The following CDK12 variants were observed in gnomAD, a reference collection of about 807,000 sequenced individuals.
The protein encoded by CDK12 is cyclin dependent kinase 12, also known as cyclin-dependent kinase 12.
Under a neutral mutation model 133.8 loss-of-function variants are expected in CDK12, and 17 were observed. The ratio of observed to expected loss-of-function variants is 0.13; its 90% CI spans 0.09 to 0.19. The LOEUF is 0.19. Among genes scored for constraint, CDK12 ranks in the 10% least tolerant of loss-of-function variants. CDK12 has a pLI of 1.00. For synonymous variants in CDK12, 694 were observed against 683.6 expected (o/e 1.02, Z -0.24); for missense variants, 1,508 against 1,818.7 (o/e 0.83, Z 3.11).
rs1221073905 is a variant in CDK12 at position 39,532,105 on chromosome 17, T to TCTCG, written c.*792_*793insGCTC. Reference sequence around the variant, plus strand: ...GATGTGTGCTCTCTCTCTCTCTTTCTCTCTCTCTCTCTCTCTCTCTCTCTC... The same window carrying TCTCG: ...GATGTGTGCTCTCTCTCTCTCTTTCTCTCGCTCTCTCTCTCTCTCTCTCTCTCTC... On this transcript the variant is annotated 3_prime_UTR_variant, in exon 14 of 14. Transcript: ENST00000447079. 2.6e-4 allele frequency: 4 copies of TCTCG among 15,364 alleles called. No homozygotes were observed. The highest frequency in any genetic ancestry group is 4.6e-4 in the African/African-American group (4 of 8,636). 1.0% of individuals were successfully genotyped at this position (15,364 alleles called of 1,614,324 possible). A position where few individuals can be genotyped will look rare whatever the true frequency, so the allele number is the denominator to read the frequency against.
At chr17:39,466,492 TA>T (rs2049319635) in intron 1 of CDK12, among the ~76,000 whole-genome samples, 1 of 150,920 alleles carries the variant, frequency 6.6e-6, no homozygotes, top group African/African-American at 2.4e-5. Flanking sequence ...CACATGCCTG[TA>T]ATCCCAGCTA....
At chr17:39,505,244 A>AAT (rs1567749790) in intron 6 of CDK12, among the ~76,000 whole-genome samples, 1 of 109,570 alleles carries the variant, frequency 9.1e-6, no homozygotes, top group African/African-American at 3.7e-5. Context: ...AAAAAAAAAA[A>AAT]GGCCAGGCGC....
intron 1 of CDK12, among the ~76,000 whole-genome samples, chr17:39,463,800 C>T (rs186707748): frequency 4.3e-4 from 65 of 151,950 alleles, no homozygotes; most frequent in Admixed American, 7.9e-4. Flanking sequence ...AAATCTTTCT[C>T]TAAAACACAT....
intron 2 of CDK12, among the ~76,000 whole-genome samples, chr17:39,485,050 G>A (rs1413714789): frequency 6.6e-6 from 1 of 151,540 alleles, no homozygotes; most frequent in African/African-American, 2.4e-5. Context: ...GGTGCCTGTG[G>A]TCCCAGCTAC....
chr17:39,501,623 C>T (rs1304431264), intron 6 of CDK12, among the ~76,000 whole-genome samples, 184 bp downstream of exon 6: 3 of 152,168 alleles, frequency 2.0e-5, no homozygotes, highest in Non-Finnish European at 4.4e-5. Flanking sequence ...TGAGCCTTTT[C>T]TCAGTTACCA....
intron 2 of CDK12, among the ~76,000 whole-genome samples, chr17:39,476,576 A>G (rs1031167054): frequency 6.6e-6 from 1 of 150,886 alleles, no homozygotes; most frequent in East Asian, 2.0e-4. Flanking sequence ...ACCATGTTCA[A>G]CTAATTTTGT....
chr17:39,473,777 C>T (rs907801469), intron 2 of CDK12, among the ~76,000 whole-genome samples: 43 of 151,738 alleles, frequency 2.8e-4, no homozygotes, highest in African/African-American at 9.4e-4. Context: ...CCCAGCTACT[C>T]GGGAGGCTGA....
intron 2 of CDK12, among the ~76,000 whole-genome samples, chr17:39,483,741 C>T (rs1435207391): frequency 2.0e-5 from 3 of 148,864 alleles, no homozygotes; most frequent in Non-Finnish European, 3.0e-5. Context: ...TTTTTTGAGG[C>T]GGATTCTTAC....
At chr17:39,545,175 G>A (rs1031776572), upstream of CDK12, among the ~76,000 whole-genome samples, 6 of 151,918 alleles carry the variant, frequency 3.9e-5, no homozygotes, top group African/African-American at 1.2e-4. Context: ...TCTCCTCCAG[G>A]GCAGCTAGCC....
chr17:39,473,452 T>G (rs2049951414), intron 2 of CDK12, among the ~76,000 whole-genome samples: 1 of 151,996 alleles, frequency 6.6e-6, no homozygotes, highest in Non-Finnish European at 1.5e-5. Flanking sequence ...ACAAAAATAC[T>G]TCTTTAAGGC....
intron 2 of CDK12, among the ~76,000 whole-genome samples, chr17:39,554,430 G>A (rs1158598116): frequency 6.6e-6 from 1 of 152,128 alleles, no homozygotes; most frequent in Non-Finnish European, 1.5e-5. Flanking sequence ...TGTGCCAGGT[G>A]GGCAGTATGC....
rs1357614400 is a variant in CDK12, at chr17:39,494,713, A to G, written c.2419+19A>G. 5.2e-6 allele frequency: 8 copies of G among 1,525,864 alleles called. No homozygotes were observed. The Admixed American group carries it at 9.8e-5, about 19-fold the overall frequency. The allele number at this position is 1,525,864 out of a possible 1,614,324, so 94.5% of individuals were successfully genotyped here. A position where few individuals can be genotyped will look rare whatever the true frequency, so the allele number is the denominator to read the frequency against. ...GACAAAGGTACTAGCAAAGAATCAC[A>G]TTTTTACAGGGTAGACTGGTCCAAT... On this transcript the variant is annotated intron_variant, in intron 5 of 13. Coordinates refer to ENST00000447079, the MANE Select transcript of CDK12 (RefSeq NM_016507.4).
At chr17:39,522,653 C>G (rs1162585777) in intron 11 of CDK12, among the ~76,000 whole-genome samples, 1 of 151,000 alleles carries the variant, frequency 6.6e-6, no homozygotes, top group South Asian at 2.1e-4. Flanking sequence ...AGACTTGTCT[C>G]CAATTCCTGA....
intron 6 of CDK12, among the ~76,000 whole-genome samples, chr17:39,509,343 C>A (rs1029778945): frequency 5.9e-5 from 9 of 152,148 alleles, no homozygotes; most frequent in Non-Finnish European, 1.0e-4. Flanking sequence ...TTTTTCCCAA[C>A]AATAAGTATT....
At chr17:39,496,490 G>A (rs151126482) in intron 5 of CDK12, among the ~76,000 whole-genome samples, 104 of 151,972 alleles carry the variant, frequency 6.8e-4, no homozygotes, top group African/African-American at 2.4e-3. Context: ...ACCTGAGGTC[G>A]GGAGTTTGAG....
chr17:39,553,261 A>G (rs1383433416), intron 2 of CDK12, among the ~76,000 whole-genome samples: 1 of 152,058 alleles, frequency 6.6e-6, no homozygotes, highest in Non-Finnish European at 1.5e-5. Flanking sequence ...TAAACCTCCC[A>G]TCTTGACACC....
chr17:39,481,466 G>T (rs1028581531), intron 2 of CDK12, among the ~76,000 whole-genome samples: 2 of 150,606 alleles, frequency 1.3e-5, no homozygotes, highest in African/African-American at 4.9e-5. Context: ...AGCCATGCCC[G>T]GCTGTTTTTT....
At chr17:39,555,497 G>T (rs2056119559) in intron 2 of CDK12, among the ~76,000 whole-genome samples, 1 of 151,858 alleles carries the variant, frequency 6.6e-6, no homozygotes, top group African/African-American at 2.4e-5. Context: ...AGGAAGTCAG[G>T]AACAGCTCCA....
At chr17:39,475,035 A>G (rs1046537810) in intron 2 of CDK12, among the ~76,000 whole-genome samples, 3 of 151,728 alleles carry the variant, frequency 2.0e-5, no homozygotes, top group Non-Finnish European at 4.4e-5. Context: ...GGGTTTCACC[A>G]TGTTGGCCAG....
Sources: gnomAD v4.1 joint callset for allele counts (sites outside exome capture counted in the v4.1 genomes callset) on GRCh38, gnomAD v4.1.1 for gene constraint, MANE v1.5 for transcripts, NCBI Gene and HGNC (gene_info 2026-07-23, HGNC 2026-07-21) for gene names.